Variants in POM121 observed in about 807,000 individuals in gnomAD.
POM121 encodes the protein POM121 transmembrane nucleoporin, also known as nuclear envelope pore membrane protein POM 121.
Under a neutral mutation model 81.3 loss-of-function variants are expected in POM121, and 32 were observed. The observed-to-expected ratio is 0.39, with a 90% CI of 0.30 to 0.53. POM121 has a LOEUF of 0.53. POM121 is among the 20% of genes least tolerant of loss of function. The pLI, the probability that POM121 is intolerant of heterozygous loss-of-function variation, is 0.66. For synonymous variants in POM121, 514 were observed against 694.2 expected, an observed-to-expected ratio of 0.74 and a Z score of 4.08; for missense variants, 1,138 against 1,614.6, an observed-to-expected ratio of 0.70 and a Z score of 5.06.
intron 3 of POM121, among the ~76,000 whole-genome samples, chr7:72,892,167 GT>G (rs1446790718): frequency 6.6e-6 from 1 of 152,080 alleles, no homozygotes; most frequent in African/African-American, 2.4e-5. Context: ...CACTTTTTTG[GT>G]TTTCTTTGTA....
At chr7:72,938,710 T>C (rs570365872) in intron 6 of POM121, 29 bp downstream of exon 6, 9 of 1,607,210 alleles carry the variant, frequency 5.6e-6, no homozygotes, top group African/African-American at 2.7e-5. Flanking sequence ...CAGTTTTCAT[T>C]TGCTGCGTGG....
At chr7:72,893,202 G>T (rs1339527090) in intron 3 of POM121, among the ~76,000 whole-genome samples, 5 of 151,814 alleles carry the variant, frequency 3.3e-5, no homozygotes, top group African/African-American at 1.2e-4. Flanking sequence ...CTTGTGATCT[G>T]CCCACCTCAG....
chr7:72,919,976 C>G (rs1187621127), intron 4 of POM121, among the ~76,000 whole-genome samples: 8 of 152,130 alleles, frequency 5.3e-5, no homozygotes, highest in Non-Finnish European at 1.2e-4. Context: ...AGGATTTGAT[C>G]TATATCATTG....
intron 3 of POM121, among the ~76,000 whole-genome samples, chr7:72,909,359 T>C (rs2129576179): frequency 6.6e-6 from 1 of 152,340 alleles, no homozygotes; most frequent in South Asian, 2.1e-4. Context: ...CTCATTCAGA[T>C]TTTTTCTGGT....
At chr7:72,897,436 T>C (rs1168236632) in intron 3 of POM121, among the ~76,000 whole-genome samples, 5 of 152,112 alleles carry the variant, frequency 3.3e-5, no homozygotes, top group African/African-American at 7.2e-5. Context: ...TGGAGAGAGT[T>C]GAGATCCAAG....
chr7:72,923,589 A>ATTTTTTTTT (rs1187827150), upstream of POM121, among the ~76,000 whole-genome samples: 3 of 88,754 alleles, frequency 3.4e-5, no homozygotes, highest in Non-Finnish European at 2.1e-5. Flanking sequence ...CGCCCGGCTA[A>ATTTTTTTTT]TTTTTTTTTT....
intron 3 of POM121, among the ~76,000 whole-genome samples, chr7:72,908,185 G>T (rs1380136237): frequency 6.6e-6 from 1 of 152,174 alleles, no homozygotes; most frequent in Non-Finnish European, 1.5e-5. Context: ...ATAATTCAAC[G>T]TGAGTCCTTT....
intron 1 of POM121, among the ~76,000 whole-genome samples, chr7:72,888,654 C>T (rs1236328184): frequency 6.7e-6 from 1 of 149,028 alleles, no homozygotes; most frequent in African/African-American, 2.6e-5. Flanking sequence ...GACTTTCGGA[C>T]CGAGAAGACT....
upstream of POM121, chr7:72,925,068 C>T: frequency 7.4e-7 from 1 of 1,357,240 alleles, no homozygotes; most frequent in Non-Finnish European, 9.4e-7. Flanking sequence ...TGACGCGACG[C>T]GCGGCGCGGT....
At position 72,942,198 on chromosome 7, in the gene POM121, A is replaced by G. The variant is rs79801919; in HGVS notation, c.2205A>G (p.Pro735=). 3.1e-6 allele frequency: 5 copies of G among 1,609,614 alleles called. No individual in the cohort carries two copies. The highest frequency in any genetic ancestry group is 2.2e-5 in the South Asian group (2 of 90,918). Reference sequence around the variant, plus strand: ...TGTTCAAGCCCATTTTCACGGCTCCACCCAAGAGTGAGAAGGAAGGCCCCA... The same window carrying G: ...TGTTCAAGCCCATTTTCACGGCTCCGCCCAAGAGTGAGAAGGAAGGCCCCA... ...PPMFKPIFTA[P]PKSEKEGPTP... is the part of the protein sequence containing the mutation. Residue 735 remains proline, a synonymous_variant, in exon 11 of 13, where the codon CCA becomes CCG. Coordinates refer to ENST00000434423, the MANE Select transcript of POM121 (RefSeq NM_001387691.1).
chr7:72,902,068 C>A (rs183708942), intron 3 of POM121, among the ~76,000 whole-genome samples: 6 of 151,092 alleles, frequency 4.0e-5, no homozygotes. Flanking sequence ...GCCGAGATCG[C>A]GCCATTGCAC....
At chr7:72,891,581 A>G (rs1162222549) in intron 3 of POM121, among the ~76,000 whole-genome samples, 1 of 151,944 alleles carries the variant, frequency 6.6e-6, no homozygotes, top group Non-Finnish European at 1.5e-5. Context: ...TAATTTTTGT[A>G]TTTTTAGTAG....
intron 3 of POM121, among the ~76,000 whole-genome samples, chr7:72,912,552 G>A (rs1455483631): frequency 2.8e-4 from 43 of 152,080 alleles, no homozygotes; most frequent in Non-Finnish European, 5.1e-4. Flanking sequence ...CGAAGCAGGT[G>A]GATCATGAAG....
chr7:72,902,529 C>A (rs1449607132), intron 3 of POM121, among the ~76,000 whole-genome samples: 2 of 149,064 alleles, frequency 1.3e-5, no homozygotes, highest in African/African-American at 4.9e-5. Flanking sequence ...GTCTATAATA[C>A]ATTCTTTTCT....
intron 10 of POM121, 90 bp from the exon 11 acceptor site, chr7:72,941,747 T>C: frequency 6.7e-7 from 1 of 1,484,280 alleles, no homozygotes; most frequent in East Asian, 2.3e-5. Context: ...TCCCAGGCTC[T>C]GTGGTAGGCG....
At chr7:72,907,977 G>T (rs1477486343) in intron 3 of POM121, among the ~76,000 whole-genome samples, 1 of 151,878 alleles carries the variant, frequency 6.6e-6, no homozygotes, top group African/African-American at 2.4e-5. Flanking sequence ...TTTTCTTATG[G>T]CAAGATTGTT....
chr7:72,907,700 G>C (rs188611678), intron 3 of POM121, among the ~76,000 whole-genome samples: 282 of 152,132 alleles, frequency 1.9e-3, no homozygotes, highest in Non-Finnish European at 2.9e-3. Context: ...TAGTAGAGAT[G>C]GGGTTTCACC....
chr7:72,926,150 G>A (rs1586149854), intron 1 of POM121, 112 bp from the exon 2 acceptor site: 1 of 1,164,544 alleles, frequency 8.6e-7, no homozygotes, highest in East Asian at 2.6e-5. Context: ...GTGTTGCTTA[G>A]AAAGAGACTT....
At chr7:72,925,833 T>C in intron 1 of POM121, 68 bp downstream of exon 1, 1 of 1,276,486 alleles carries the variant, frequency 7.8e-7, no homozygotes, top group Non-Finnish European at 1.0e-6. Flanking sequence ...ACTTGACTTT[T>C]AAATCCGATT....
Sources: allele counts gnomAD v4.1 joint callset (sites outside exome capture counted in the v4.1 genomes callset), GRCh38; gene constraint gnomAD v4.1.1; transcripts MANE v1.5; gene names NCBI Gene and HGNC (gene_info 2026-07-23, HGNC 2026-07-21).